The following LRRTM4 variants were observed in gnomAD, a reference collection of about 807,000 sequenced individuals.
The protein encoded by LRRTM4 is leucine-rich repeat transmembrane neuronal protein 4.
LRRTM4 carries 25 observed loss-of-function variants against 47.6 expected under a neutral mutation model. The observed-to-expected ratio is 0.53, with a 90% confidence interval of 0.38 to 0.73. LRRTM4 has a LOEUF of 0.73. LRRTM4 is among the 30% of genes least tolerant of loss of function. The pLI is 0.00. For synonymous variants in LRRTM4, 311 were observed against 269.5 expected, an observed-to-expected ratio of 1.15 and a Z score of -1.51; for missense variants, 638 against 713.4, an observed-to-expected ratio of 0.89 and a Z score of 1.20.
chr2:76,955,539 G>C (rs142397850), intron 3 of LRRTM4, among the ~76,000 whole-genome samples: 1,741 of 151,754 alleles, frequency 0.011, 17 homozygotes, highest in Middle Eastern at 0.054. Context: ...CAAGAGGAGA[G>C]GGTAAAAAAG....
chr2:77,075,136 G>C (rs1032893861), intron 3 of LRRTM4, among the ~76,000 whole-genome samples: 32 of 152,148 alleles, frequency 2.1e-4, no homozygotes, highest in African/African-American at 7.2e-4. Context: ...TATGTGAGCT[G>C]TTTCTGCTAA....
At chr2:77,480,835 GAGAGAGAGA>G (rs1677669606) in intron 3 of LRRTM4, among the ~76,000 whole-genome samples, 6 of 51,268 alleles carry the variant, frequency 1.2e-4, no homozygotes, top group Non-Finnish European at 2.3e-4. Flanking sequence ...GAGAGAGAGA[GAGAGAGAGA>G]GAGAGAGAGA....
At chr2:76,757,792 C>T (rs188777081) in intron 3 of LRRTM4, among the ~76,000 whole-genome samples, 15 of 152,134 alleles carry the variant, frequency 9.9e-5, no homozygotes, top group East Asian at 1.9e-4. Context: ...TCTCCTAAAA[C>T]GGAAAACAGT....
chr2:77,045,710 G>A (rs1679211194), intron 3 of LRRTM4, among the ~76,000 whole-genome samples: 1 of 151,938 alleles, frequency 6.6e-6, no homozygotes, highest in South Asian at 2.1e-4. Context: ...CTTCCACCAT[G>A]ATTGTGAGGC....
At chr2:77,011,021 G>A (rs1677850932) in intron 3 of LRRTM4, among the ~76,000 whole-genome samples, 1 of 152,004 alleles carries the variant, frequency 6.6e-6, no homozygotes, top group African/African-American at 2.4e-5. Flanking sequence ...TAAAGGTAAT[G>A]ACCAATTTTT....
intron 3 of LRRTM4, among the ~76,000 whole-genome samples, chr2:76,866,284 C>T (rs949757615): frequency 7.9e-5 from 12 of 152,194 alleles, no homozygotes; most frequent in African/African-American, 2.9e-4. Flanking sequence ...ATCTCAGTTT[C>T]CATCATCCTT....
intron 3 of LRRTM4, among the ~76,000 whole-genome samples, chr2:77,318,872 T>A (rs1677698561): frequency 7.3e-6 from 1 of 136,366 alleles, no homozygotes; most frequent in Admixed American, 6.9e-5. Flanking sequence ...ATTTTTTAAA[T>A]ACCTACTTGC....
intron 3 of LRRTM4, among the ~76,000 whole-genome samples, chr2:77,487,739 G>A (rs1197676952): frequency 6.6e-6 from 1 of 152,150 alleles, no homozygotes; most frequent in Non-Finnish European, 1.5e-5. Flanking sequence ...CGGAAATGGA[G>A]TGAGAACTTA....
At chr2:77,033,247 T>A (rs868586797) in intron 3 of LRRTM4, among the ~76,000 whole-genome samples, 14 of 152,108 alleles carry the variant, frequency 9.2e-5, no homozygotes, top group Middle Eastern at 6.8e-3. Context: ...CACATGCATT[T>A]ATTATTTTAA....
chr2:76,933,236 TAAAC>T (rs1160659347), intron 3 of LRRTM4, among the ~76,000 whole-genome samples: 2 of 152,244 alleles, frequency 1.3e-5, no homozygotes, highest in Admixed American at 6.5e-5. Context: ...AAATTGTTTC[TAAAC>T]AATCAATAAA....
chr2:76,889,590 T>C (rs1421744914), intron 3 of LRRTM4, among the ~76,000 whole-genome samples: 3 of 151,876 alleles, frequency 2.0e-5, no homozygotes, highest in Admixed American at 6.6e-5. Context: ...ATAATTTGGC[T>C]TCAAAGATCC....
chr2:77,160,026 T>C (rs1177774777), intron 3 of LRRTM4, among the ~76,000 whole-genome samples: 1 of 152,196 alleles, frequency 6.6e-6, no homozygotes, highest in Non-Finnish European at 1.5e-5. Flanking sequence ...CAAGTCATCT[T>C]CCATTAATCA....
chr2:77,480,822 GGAGAGAGAGAGA>G (rs67377276), intron 3 of LRRTM4, among the ~76,000 whole-genome samples: 65 of 74,520 alleles, frequency 8.7e-4, no homozygotes, highest in African/African-American at 3.0e-3. Context: ...GTGTGTGTGT[GGAGAGAGAGAGA>G]GAGAGAGAGA....
At chr2:76,756,528 TATC>T (rs1397233449) in intron 3 of LRRTM4, among the ~76,000 whole-genome samples, 1 of 152,192 alleles carries the variant, frequency 6.6e-6, no homozygotes, top group Non-Finnish European at 1.5e-5. Context: ...TGATTTGTTC[TATC>T]ATCATATTTA....
intron 3 of LRRTM4, among the ~76,000 whole-genome samples, chr2:77,351,335 TAA>T (rs1247166122): frequency 6.6e-6 from 1 of 151,594 alleles, no homozygotes; most frequent in Non-Finnish European, 1.5e-5. Context: ...ATTCCCAACT[TAA>T]GTGTTGTATT....
At chr2:77,090,867 A>T (rs1274837216) in intron 3 of LRRTM4, among the ~76,000 whole-genome samples, 1 of 152,100 alleles carries the variant, frequency 6.6e-6, no homozygotes, top group African/African-American at 2.4e-5. Flanking sequence ...TTGCCTCGGC[A>T]GCCCCCTAGA....
At chr2:77,020,235 C>A (rs1385714697) in intron 3 of LRRTM4, among the ~76,000 whole-genome samples, 1 of 151,934 alleles carries the variant, frequency 6.6e-6, no homozygotes, top group Non-Finnish European at 1.5e-5. Flanking sequence ...AAAATAAAAA[C>A]CTTAATATTC....
intron 3 of LRRTM4, among the ~76,000 whole-genome samples, chr2:76,877,773 T>G (rs972025408): frequency 6.6e-6 from 1 of 152,080 alleles, no homozygotes; most frequent in Non-Finnish European, 1.5e-5. Context: ...AGCTTAACTT[T>G]CCAGAATATG....
At chr2:77,129,553 T>TA (rs565479610) in intron 3 of LRRTM4, among the ~76,000 whole-genome samples, 50 of 152,348 alleles carry the variant, frequency 3.3e-4, no homozygotes, top group Admixed American at 2.8e-3. Flanking sequence ...TCAGTGGCTT[T>TA]AAGCATCACA....
Sources: gnomAD v4.1 joint callset for allele counts (sites outside exome capture counted in the v4.1 genomes callset) on GRCh38, gnomAD v4.1.1 for gene constraint, MANE v1.5 for transcripts, NCBI Gene and HGNC (gene_info 2026-07-23, HGNC 2026-07-21) for gene names.